Variants in CALHM6 observed in about 807,000 individuals in gnomAD.
CALHM6 encodes calcium homeostasis modulator protein 6.
Under a neutral mutation model 12.7 loss-of-function variants are expected in CALHM6, and 15 were observed. The observed-to-expected ratio is 1.18, with a 90% CI of 0.79 to 1.82. CALHM6 has a LOEUF of 1.82. Ranked by LOEUF, CALHM6 falls within the 40% of genes most tolerant of loss-of-function variation. The probability of loss-of-function intolerance (pLI) is 0.00; values close to 1 mark genes in which losing one functional copy is unlikely to be tolerated. For missense variants in CALHM6, 434 were observed against 421.0 expected, an observed-to-expected ratio of 1.03 and a Z score of -0.27; for synonymous variants, 212 against 193.7, an observed-to-expected ratio of 1.09 and a Z score of -0.78.
At chr6:116,461,546 G>T in intron 1 of CALHM6, 117 bp downstream of exon 1, 1 of 962,938 alleles carries the variant, frequency 1.0e-6, no homozygotes, top group East Asian at 2.6e-5. Flanking sequence ...GGCGGCCGTG[G>T]GTCAAGAAGG....
chr6:116,462,227 A>ACGCAAATC lies in CALHM6; in HGVS notation c.299_306dup (p.Ser103ArgfsTer68), dbSNP rs1562326419. The ACGCAAATC allele has an allele frequency of 7.1e-7, 1 of 1,402,640 alleles. No homozygotes were observed. Among genetic ancestry groups the ACGCAAATC allele is most frequent in the Non-Finnish European group, 9.2e-7 (1 of 1,084,558 alleles). The allele number at this position is 1,402,640 out of a possible 1,614,324, so 86.9% of individuals were successfully genotyped here. A position where few individuals can be genotyped will look rare whatever the true frequency, so the allele number is the denominator to read the frequency against. On this transcript the variant is annotated frameshift_variant, in exon 2 of 3. Transcript: ENST00000368605. LOFTEE classifies it high-confidence loss of function. ...GGCGCTGCGCGGCTCCCTGGTGTGC[A>ACGCAAATC]CGCAAATCAGCGCGGCCGCCGCGCT... is the stretch of plus-strand genomic sequence containing the variant.
In CALHM6 at chr6:116,463,344, C is replaced by T; in HGVS notation, c.587C>T (p.Thr196Ile). 6.2e-7 allele frequency: 1 copy of T among 1,614,086 alleles called. No homozygotes were observed. Among genetic ancestry groups the T allele is most frequent in the Non-Finnish European group, 8.5e-7 (1 of 1,180,024 alleles). Residue 196 changes from threonine (T) to isoleucine (I), a missense_variant, in exon 3 of 3, where the codon ACC becomes ATC. Transcript: ENST00000368605. ...ATTCTTCTGATTTTTACATCTGTCA[C>T]CCGATGCCTATCTCCAGTTAGTTTT... Reference protein sequence around the residue: ...IIILLIFTSVTRCLSPVSFLQ... With the variant: ...IIILLIFTSVIRCLSPVSFLQ...
Position 116,462,112 on chromosome 6 carries a change from C to G in CALHM6, c.183C>G (p.Leu61=). The G allele has an allele frequency of 6.5e-7, 1 of 1,541,796 alleles. No individual in the cohort carries two copies. Among genetic ancestry groups the G allele is most frequent in the Non-Finnish European group, 8.7e-7 (1 of 1,145,724 alleles). ...YGLVFLLVPA[L]ALFLLGYVLS... Reference sequence around the variant, plus strand: ...TGGTCTTCTTGCTGGTGCCGGCGCTCGCGCTCTTCCTCCTGGGCTACGTGC... The same window carrying G: ...TGGTCTTCTTGCTGGTGCCGGCGCTGGCGCTCTTCCTCCTGGGCTACGTGC... The change falls in exon 2 of 3, where the codon CTC becomes CTG. Residue 61 remains leucine, a synonymous_variant. Coordinates refer to ENST00000368605, the MANE Select transcript of CALHM6 (RefSeq NM_001010919.3).
intron 1 of CALHM6, 140 bp from the exon 2 acceptor site, chr6:116,461,732 G>A (rs1784772554): frequency 2.9e-6 from 2 of 697,288 alleles, no homozygotes; most frequent in African/African-American, 3.6e-5. Context: ...TTAACCAGAG[G>A]TGGTGTGGCT....
chr6:116,463,761 A>T lies in CALHM6; in HGVS notation c.*56A>T. ...TTGAATTATTGCTTTATTAAAAAAT[A>T]AACATTGGTATTTTTTGAGTGCTTT... On this transcript the variant is annotated 3_prime_UTR_variant, in exon 3 of 3. Coordinates refer to ENST00000368605, the MANE Select transcript of CALHM6 (RefSeq NM_001010919.3). 7.3e-7 allele frequency: 1 copy of T among 1,364,962 alleles called. No individual in the cohort carries two copies. The highest frequency in any genetic ancestry group is 9.8e-7 in the Non-Finnish European group (1 of 1,016,812). 84.6% of individuals were successfully genotyped at this position (1,364,962 alleles called of 1,614,324 possible). A position where few individuals can be genotyped will look rare whatever the true frequency, so the allele number is the denominator to read the frequency against.
Position 116,462,012 on chromosome 6 carries a change from C to T in CALHM6, c.83C>T (p.Ala28Val). The T allele has an allele frequency of 2.6e-6, 4 of 1,548,468 alleles. No homozygotes were observed. The highest frequency in any genetic ancestry group is 1.2e-5 in the South Asian group (1 of 83,862). ...LGYGLVTLLT[A>V]GGERIFSAVA... ...TACGGCCTGGTGACCCTGCTGACGG[C>T]GGGCGGGGAGCGCATCTTCTCCGCC... Residue 28 changes from alanine (A) to valine (V), a missense_variant, in exon 2 of 3, where the codon GCG (alanine) becomes GTG (valine). By Grantham distance (64) the Ala-to-Val change is moderately conservative (BLOSUM62 0). Coordinates refer to ENST00000368605, the MANE Select transcript of CALHM6 (RefSeq NM_001010919.3).
In CALHM6 at chr6:116,461,914, C is replaced by T. The variant is rs1170924211; in HGVS notation, c.-16C>T. ...AGGATCTGGGCCTGTGCGCGACGCC[C>T]CGGGGGACGAGGCTCATGGAGAAGT... On this transcript the variant is annotated 5_prime_UTR_variant, in exon 2 of 3. Coordinates refer to ENST00000368605, the MANE Select transcript of CALHM6 (RefSeq NM_001010919.3). The T allele has an allele frequency of 4.0e-6, 6 of 1,486,616 alleles. No individual in the cohort carries two copies. In the African/African-American group the frequency reaches 4.3e-5, roughly 11 times the overall value. 92.1% of individuals were successfully genotyped at this position (1,486,616 alleles called of 1,614,324 possible).
In CALHM6 at chr6:116,462,236, A is replaced by G; in HGVS notation, c.307A>G (p.Ser103Gly). ...CGGCTCCCTGGTGTGCACGCAAATCAGCGCGGCCGCCGCGCTCGCGCCCCT... is the reference window on the plus strand; with the variant it reads ...CGGCTCCCTGGTGTGCACGCAAATCGGCGCGGCCGCCGCGCTCGCGCCCCT... ...LRGSLVCTQI[S>G]AAAALAPLTW... The change falls in exon 2 of 3, where the codon AGC (serine) becomes GGC (glycine). Residue 103 changes from serine (S) to glycine (G), a missense_variant. Transcript: ENST00000368605. 2.9e-6 allele frequency: 4 copies of G among 1,377,164 alleles called. No individual in the cohort carries two copies. The highest frequency in any genetic ancestry group is 3.7e-6 in the Non-Finnish European group (4 of 1,070,538). The allele number at this position is 1,377,164 out of a possible 1,614,324, so 85.3% of individuals were successfully genotyped here. A position where few individuals can be genotyped will look rare whatever the true frequency, so the allele number is the denominator to read the frequency against.
chr6:116,462,602 G>A, intron 2 of CALHM6, 148 bp downstream of exon 2: 1 of 523,988 alleles, frequency 1.9e-6, no homozygotes, highest in Admixed American at 4.2e-5. Context: ...CTAATTTGCC[G>A]TCAAGAGAAT....
In CALHM6 at chr6:116,463,271, T is replaced by C; in HGVS notation, c.526-12T>C. On this transcript the variant is annotated splice_polypyrimidine_tract_variant and intron_variant, in intron 2 of 2. Coordinates refer to ENST00000368605, the MANE Select transcript of CALHM6 (RefSeq NM_001010919.3). ...AAGTAACTAAATTACTATTTTGTTG[T>C]GTTTTCTTAAGGTGTTGGGCTGGAT... 6.3e-7 allele frequency: 1 copy of C among 1,577,860 alleles called. No homozygotes were observed. Among genetic ancestry groups the C allele is most frequent in the Non-Finnish European group, 8.6e-7 (1 of 1,163,614 alleles).
intron 1 of CALHM6, 58 bp from the exon 2 acceptor site, chr6:116,461,814 G>T: frequency 1.2e-6 from 1 of 817,626 alleles, no homozygotes; most frequent in Non-Finnish European, 1.6e-6. Flanking sequence ...AAAAAAGGCT[G>T]CTTCTCGCAG....
chr6:116,462,190 G>A lies in CALHM6; in HGVS notation c.261G>A (p.Ala87=). ...CCGGATGCTGCTCCAGCGCCCGCGC[G>A]AGTTGCGGATCGGCGCTGCGCGGCT... ...LLTGCCSSAR[A]SCGSALRGSL... Residue 87 remains alanine (A), a synonymous_variant, in exon 2 of 3, where the codon GCG becomes GCA. Transcript: ENST00000368605. 2 of 1,510,466 alleles carry A rather than the reference G, an allele frequency of 1.3e-6. No individual in the cohort carries two copies. Among genetic ancestry groups the A allele is most frequent in the Non-Finnish European group, 1.8e-6 (2 of 1,132,944 alleles). 93.6% of individuals were successfully genotyped at this position (1,510,466 alleles called of 1,614,324 possible).
intron 1 of CALHM6, 128 bp from the exon 2 acceptor site, chr6:116,461,744 A>G: frequency 1.3e-6 from 1 of 765,618 alleles, no homozygotes; most frequent in Non-Finnish European, 2.0e-6. Context: ...GGTGTGGCTG[A>G]AATGAGAAAG....
Position 116,462,103 on chromosome 6 carries a change from G to A in CALHM6, c.174G>A (p.Val58=). 1.9e-6 allele frequency: 3 copies of A among 1,542,796 alleles called. No homozygotes were observed. The highest frequency in any genetic ancestry group is 1.4e-5 in the African/African-American group (1 of 73,036). The change falls in exon 2 of 3, where the codon GTG becomes GTA. Residue 58 remains valine, a synonymous_variant. Transcript: ENST00000368605. ...CCTACGGCCTGGTCTTCTTGCTGGT[G>A]CCGGCGCTCGCGCTCTTCCTCCTGG... ...NLPYGLVFLL[V]PALALFLLGY... is the part of the protein sequence containing the mutation.
In CALHM6 at chr6:116,461,856, A is replaced by C; in HGVS notation, c.-58-16A>C. 1.4e-6 allele frequency: 2 copies of C among 1,407,342 alleles called. No homozygotes were observed. Among genetic ancestry groups the C allele is most frequent in the South Asian group, 3.2e-5 (2 of 63,250 alleles). The allele number at this position is 1,407,342 out of a possible 1,614,324, so 87.2% of individuals were successfully genotyped here. ...AAGCCCCGGTCCCCATCCCACCAAA[A>C]CCATTTGACAAGCAGGACAACGAAG... On this transcript the variant is annotated splice_polypyrimidine_tract_variant and intron_variant, in intron 1 of 2. Transcript: ENST00000368605.
intron 1 of CALHM6, 72 bp downstream of exon 1, chr6:116,461,501 A>G (rs1464935997): frequency 3.5e-6 from 5 of 1,416,250 alleles, no homozygotes; most frequent in Non-Finnish European, 4.9e-6. Flanking sequence ...TGGCTGCAAT[A>G]GAGGAAAATC....
Position 116,463,341 on chromosome 6 carries a change from T to A in CALHM6, c.584T>A (p.Val195Asp). The change falls in exon 3 of 3, where the codon GTC (valine) becomes GAC (aspartate). Residue 195 changes from valine to aspartate, a missense_variant. Physicochemically the swap from Val to Asp is radical, Grantham distance 152. Coordinates refer to ENST00000368605, the MANE Select transcript of CALHM6 (RefSeq NM_001010919.3). ...ATCATTCTTCTGATTTTTACATCTG[T>A]CACCCGATGCCTATCTCCAGTTAGT... is the stretch of plus-strand genomic sequence containing the variant. The part of the protein sequence containing the change: ...VIIILLIFTS[V>D]TRCLSPVSFL... The A allele has an allele frequency of 6.2e-7, 1 of 1,614,100 alleles. No homozygotes were observed. Among genetic ancestry groups the A allele is most frequent in the Non-Finnish European group, 8.5e-7 (1 of 1,180,018 alleles).
chr6:116,463,185 A>C, intron 2 of CALHM6, 98 bp from the exon 3 acceptor site: 2 of 1,199,358 alleles, frequency 1.7e-6, no homozygotes, highest in Non-Finnish European at 2.4e-6. Context: ...CTTGTTCATC[A>C]TCATAACTGG....
Position 116,463,739 on chromosome 6 carries a change from A to T in CALHM6, c.*34A>T. 1 of 1,439,962 alleles carries T rather than the reference A, an allele frequency of 6.9e-7. No individual in the cohort carries two copies. Among genetic ancestry groups the T allele is most frequent in the South Asian group, 1.6e-5 (1 of 63,938 alleles). The allele number at this position is 1,439,962 out of a possible 1,614,324, so 89.2% of individuals were successfully genotyped here. On this transcript the variant is annotated 3_prime_UTR_variant, in exon 3 of 3. Coordinates refer to ENST00000368605, the MANE Select transcript of CALHM6 (RefSeq NM_001010919.3). Reference sequence around the variant, plus strand: ...ATGAGTAGAAAAAAAAATTGTTTTGAATTATTGCTTTATTAAAAAATAAAC... The same window carrying T: ...ATGAGTAGAAAAAAAAATTGTTTTGTATTATTGCTTTATTAAAAAATAAAC...
Sources: gnomAD v4.1 joint callset for allele counts on GRCh38, gnomAD v4.1.1 for gene constraint, MANE v1.5 for transcripts, NCBI Gene and HGNC (gene_info 2026-07-23, HGNC 2026-07-21) for gene names.